The following NELL2 variants were observed in gnomAD, a reference collection of about 807,000 sequenced individuals.
The protein encoded by NELL2 is neural EGFL like 2.
A neutral mutation model predicts 109.6 loss-of-function variants in NELL2; 41 were observed. The ratio of observed to expected loss-of-function variants is 0.37; its 90% CI spans 0.29 to 0.49. NELL2 has a LOEUF of 0.49. Ranked by LOEUF, NELL2 falls within the 20% of genes least tolerant of loss-of-function variation. NELL2 has a pLI of 0.98. For missense variants in NELL2, 900 were observed against 1,008.3 expected, an observed-to-expected ratio of 0.89 and a Z score of 1.45; for synonymous variants, 355 against 344.7, an observed-to-expected ratio of 1.03 and a Z score of -0.33.
chr12:44,843,508 CT>C (rs1944286499), intron 2 of NELL2, among the ~76,000 whole-genome samples: 1 of 152,208 alleles, frequency 6.6e-6, no homozygotes, highest in African/African-American at 2.4e-5. Flanking sequence ...AAATGTGCAT[CT>C]ACCATATAAG....
At chr12:44,635,325 GC>G (rs771732338) in intron 13 of NELL2, among the ~76,000 whole-genome samples, 38 of 152,250 alleles carry the variant, frequency 2.5e-4, no homozygotes, top group Non-Finnish European at 4.6e-4. Context: ...TGTTGCCATT[GC>G]TTTTGGTGTT....
At chr12:44,833,067 A>T (rs974354592) in intron 2 of NELL2, among the ~76,000 whole-genome samples, 15 of 152,208 alleles carry the variant, frequency 9.9e-5, no homozygotes, top group African/African-American at 3.6e-4. Flanking sequence ...CTTTTTCCCA[A>T]TTCCACCACC....
intron 9 of NELL2, among the ~76,000 whole-genome samples, chr12:44,723,025 A>G (rs1469635543): frequency 6.6e-6 from 1 of 152,040 alleles, no homozygotes; most frequent in East Asian, 1.9e-4. Flanking sequence ...CGTCTCTACT[A>G]AAAATACAAA....
At chr12:44,704,780 A>T (rs1937762831) in intron 11 of NELL2, among the ~76,000 whole-genome samples, 1 of 152,176 alleles carries the variant, frequency 6.6e-6, no homozygotes, top group African/African-American at 2.4e-5. Flanking sequence ...GCACTTTGGG[A>T]GGCTGAAGCA....
chr12:44,606,333 T>C (rs535532027), intron 15 of NELL2, among the ~76,000 whole-genome samples: 3 of 152,268 alleles, frequency 2.0e-5, no homozygotes, highest in Admixed American at 1.3e-4. Context: ...GCATGTACTG[T>C]ATCTATTGCA....
At chr12:44,630,588 T>G (rs1379040467) in intron 13 of NELL2, among the ~76,000 whole-genome samples, 1 of 152,170 alleles carries the variant, frequency 6.6e-6, no homozygotes, top group African/African-American at 2.4e-5. Flanking sequence ...TATTCAAGGT[T>G]TCACAGTTGG....
intron 15 of NELL2, among the ~76,000 whole-genome samples, chr12:44,557,476 G>T (rs1943299042): frequency 6.6e-6 from 1 of 152,150 alleles, no homozygotes; most frequent in Non-Finnish European, 1.5e-5. Flanking sequence ...GACAAATAAA[G>T]ATAATGATGA....
At chr12:44,522,950 T>C (rs750883784) in intron 17 of NELL2, 28 of 248,920 alleles carry the variant, frequency 1.1e-4, no homozygotes, top group Non-Finnish European at 1.9e-4. Context: ...GGATTAGAGA[T>C]ATAGGTACAA....
At chr12:44,683,504 C>G (rs554868086) in intron 12 of NELL2, among the ~76,000 whole-genome samples, 1 of 152,096 alleles carries the variant, frequency 6.6e-6, no homozygotes, top group Non-Finnish European at 1.5e-5. Flanking sequence ...TGCCAGTTTT[C>G]AAAGGGAATG....
At chr12:44,584,373 T>A (rs1391227248) in intron 15 of NELL2, among the ~76,000 whole-genome samples, 1 of 152,096 alleles carries the variant, frequency 6.6e-6, no homozygotes, top group African/African-American at 2.4e-5. Flanking sequence ...CTGATGGAGA[T>A]TTTTTAAAGA....
At chr12:44,588,745 C>T (rs1944637461) in intron 15 of NELL2, among the ~76,000 whole-genome samples, 1 of 152,092 alleles carries the variant, frequency 6.6e-6, no homozygotes, top group African/African-American at 2.4e-5. Flanking sequence ...TTTAAGTGTA[C>T]AATTCAGTGG....
intron 14 of NELL2, among the ~76,000 whole-genome samples, chr12:44,607,700 A>G (rs765729998): frequency 1.3e-5 from 2 of 152,110 alleles, no homozygotes; most frequent in Non-Finnish European, 2.9e-5. Context: ...CACACTAGCC[A>G]AAGTGCCAAA....
rs11182632 is a variant in NELL2, at chr12:44,747,171, C to A, written c.994+27576G>T. ...GTGGGGACATGGATGAAACTGGAAA[C>A]CATCATTCTCAGCGAACTATCGCAA... On this transcript the variant is annotated intron_variant, in intron 9 of 19. Transcript: ENST00000429094. 1.4e-3 allele frequency among the ~76,000 whole-genome samples: 206 copies of A among 152,160 alleles called. 4 individuals are homozygous for A. In the East Asian group the frequency reaches 0.03, roughly 22 times the overall value.
intron 16 of NELL2, 72 bp downstream of exon 16, chr12:44,532,509 A>G: frequency 6.7e-7 from 1 of 1,484,206 alleles, no homozygotes; most frequent in Admixed American, 1.9e-5. Flanking sequence ...AATGTCTTCT[A>G]TTTATAGCTT....
intron 9 of NELL2, among the ~76,000 whole-genome samples, chr12:44,755,339 C>T (rs1376252596): frequency 6.6e-6 from 1 of 152,112 alleles, no homozygotes; most frequent in Non-Finnish European, 1.5e-5. Context: ...TTTCAGGTTC[C>T]CGTCATTAAA....
At chr12:44,707,496 T>A (rs1254233963) in intron 11 of NELL2, among the ~76,000 whole-genome samples, 4 of 152,180 alleles carry the variant, frequency 2.6e-5, no homozygotes, top group Non-Finnish European at 5.9e-5. Context: ...CAATTTATCC[T>A]CTGCTTATTG....
intron 2 of NELL2, among the ~76,000 whole-genome samples, chr12:44,842,945 G>C (rs1300394740): frequency 6.6e-6 from 1 of 152,080 alleles, no homozygotes; most frequent in Non-Finnish European, 1.5e-5. Flanking sequence ...AGGCAAGAAA[G>C]GACTCCTCAG....
chr12:44,584,347 A>C (rs1258886470), intron 15 of NELL2, among the ~76,000 whole-genome samples: 1 of 152,212 alleles, frequency 6.6e-6, no homozygotes, highest in African/African-American at 2.4e-5. Flanking sequence ...AGCAGTGTGC[A>C]AGAAATGTCA....
chr12:44,598,221 T>C (rs1262852085), intron 15 of NELL2, among the ~76,000 whole-genome samples: 3 of 145,270 alleles, frequency 2.1e-5, no homozygotes. Context: ...ATTAGATGGA[T>C]AGGGCTGACT....
Sources: allele counts gnomAD v4.1 joint callset (sites outside exome capture counted in the v4.1 genomes callset), GRCh38; gene constraint gnomAD v4.1.1; transcripts MANE v1.5; gene names NCBI Gene and HGNC (gene_info 2026-07-23, HGNC 2026-07-21).